The following FOXP1 variants were observed in gnomAD, a reference collection of about 807,000 sequenced individuals.
FOXP1 encodes forkhead box P1, also known as forkhead box protein P1.
FOXP1 carries 15 observed loss-of-function variants against 98.2 expected under a neutral mutation model. The observed-to-expected ratio is 0.15, with a 90% CI of 0.10 to 0.24. FOXP1 has a LOEUF of 0.24. Among genes scored for constraint, FOXP1 ranks in the 10% least tolerant of loss-of-function variants. The probability of loss-of-function intolerance (pLI) is 1.00; values close to 1 mark genes in which losing one functional copy is unlikely to be tolerated. For missense variants in FOXP1, 633 were observed against 848.5 expected (o/e 0.75, Z 3.15); for synonymous variants, 371 against 314.5 (o/e 1.18, Z -1.90).
chr3:71,047,636 T>C (rs539746462), intron 9 of FOXP1, among the ~76,000 whole-genome samples: 1 of 152,308 alleles, frequency 6.6e-6, no homozygotes, highest in South Asian at 2.1e-4. Context: ...TGAAATAACA[T>C]TGTAAATCTT....
At chr3:71,075,723 T>G (rs1008044155) in intron 7 of FOXP1, among the ~76,000 whole-genome samples, 5 of 152,032 alleles carry the variant, frequency 3.3e-5, no homozygotes, top group Non-Finnish European at 7.4e-5. Context: ...TTTGTTTTTT[T>G]TTTTTTAAAC....
chr3:71,409,983 C>G (rs1178954925), intron 3 of FOXP1, among the ~76,000 whole-genome samples: 1 of 152,132 alleles, frequency 6.6e-6, no homozygotes, highest in Non-Finnish European at 1.5e-5. Context: ...CCACTGCACT[C>G]CAGCCTGAAC....
chr3:70,995,407 T>C (rs1340337987), intron 13 of FOXP1, among the ~76,000 whole-genome samples: 7 of 152,210 alleles, frequency 4.6e-5, no homozygotes, highest in Non-Finnish European at 8.8e-5. Flanking sequence ...AGATTATGTA[T>C]ACTGATTATG....
chr3:71,521,108 G>A (rs1487490251), intron 2 of FOXP1, among the ~76,000 whole-genome samples: 2 of 152,214 alleles, frequency 1.3e-5, no homozygotes, highest in African/African-American at 4.8e-5. Flanking sequence ...TCAAGGCTAG[G>A]TGGTGTGGGG....
chr3:71,004,284 G>C (rs2042486347), intron 12 of FOXP1, among the ~76,000 whole-genome samples: 1 of 151,866 alleles, frequency 6.6e-6, no homozygotes. Context: ...ACATGAGCCT[G>C]TTATAATCAA....
At chr3:71,091,318 C>T (rs575944614) in intron 7 of FOXP1, among the ~76,000 whole-genome samples, 3 of 151,988 alleles carry the variant, frequency 2.0e-5, no homozygotes, top group South Asian at 4.2e-4. Flanking sequence ...GAAGAAACCC[C>T]GTCTCTACTA....
intron 12 of FOXP1, among the ~76,000 whole-genome samples, chr3:71,014,066 G>C (rs762068028): frequency 1.3e-5 from 2 of 152,142 alleles, no homozygotes; most frequent in South Asian, 2.1e-4. Flanking sequence ...AGAAAACCTA[G>C]GCAATACCAT....
chr3:71,270,765 C>T (rs1015704002), intron 5 of FOXP1, among the ~76,000 whole-genome samples: 2 of 152,150 alleles, frequency 1.3e-5, no homozygotes, highest in African/African-American at 4.8e-5. Context: ...ACACCTTGGC[C>T]AATAAATTTT....
intron 2 of FOXP1, among the ~76,000 whole-genome samples, chr3:71,549,887 C>T (rs1017541171): frequency 1.1e-5 from 1 of 89,974 alleles, no homozygotes; most frequent in East Asian, 3.2e-4. Context: ...AAAAAAAAAA[C>T]GCTCTCTGGT....
chr3:70,984,429 G>T (rs1219511670), intron 14 of FOXP1, among the ~76,000 whole-genome samples: 2 of 152,146 alleles, frequency 1.3e-5, no homozygotes, highest in African/African-American at 4.8e-5. Flanking sequence ...TTACCATTCT[G>T]GGTCAGCTGT....
chr3:71,568,962 C>T (rs542771056), intron 2 of FOXP1, among the ~76,000 whole-genome samples: 27 of 152,278 alleles, frequency 1.8e-4, no homozygotes, highest in Admixed American at 2.0e-4. Flanking sequence ...TCTGAATTTT[C>T]AAATGCCTCA....
chr3:70,966,524 T>C (rs926953699), intron 19 of FOXP1, among the ~76,000 whole-genome samples: 2 of 152,166 alleles, frequency 1.3e-5, no homozygotes, highest in African/African-American at 4.8e-5. Context: ...CCATAAACAT[T>C]TACCTCTTAG....
rs146361815 is a variant in FOXP1 at position 71,556,373 on chromosome 3, C to T, written c.-298+25176G>A. 5.7e-3 allele frequency among the ~76,000 whole-genome samples: 874 copies of T among 152,032 alleles called. 9 individuals carry two copies. The highest frequency in any genetic ancestry group is 0.02 in the African/African-American group (846 of 41,470). ...TGAGCAGATCACGAGGTCAGGAGATCGAGACCATCCTGGCTAACATGGTGA... is the reference window on the plus strand; with the variant it reads ...TGAGCAGATCACGAGGTCAGGAGATTGAGACCATCCTGGCTAACATGGTGA... On this transcript the variant is annotated intron_variant, in intron 2 of 20. Coordinates refer to ENST00000649528, the MANE Select transcript of FOXP1 (RefSeq NM_001349338.3).
intron 4 of FOXP1, among the ~76,000 whole-genome samples, chr3:71,304,916 ACTC>A: frequency 6.6e-6 from 1 of 151,638 alleles, no homozygotes; most frequent in Admixed American, 6.6e-5. Flanking sequence ...GGTCATGAAA[ACTC>A]CTTCTTTTAG....
intron 7 of FOXP1, among the ~76,000 whole-genome samples, chr3:71,100,754 A>C (rs1045956968): frequency 1.3e-5 from 2 of 152,204 alleles, no homozygotes; most frequent in African/African-American, 2.4e-5. Context: ...ACTTTTATCC[A>C]GCTCCTTACA....
At chr3:71,445,572 A>T (rs970868839) in intron 3 of FOXP1, among the ~76,000 whole-genome samples, 3 of 151,840 alleles carry the variant, frequency 2.0e-5, no homozygotes, top group African/African-American at 7.3e-5. Flanking sequence ...TATAATTCAA[A>T]TTTCCCATTT....
At chr3:71,405,632 T>A (rs1560438324) in intron 3 of FOXP1, among the ~76,000 whole-genome samples, 9 of 152,148 alleles carry the variant, frequency 5.9e-5, no homozygotes. Flanking sequence ...CAGAATCACT[T>A]GGGAAGGTTA....
At chr3:71,028,146 T>TA (rs1000216897) in intron 11 of FOXP1, among the ~76,000 whole-genome samples, 8 of 151,910 alleles carry the variant, frequency 5.3e-5, no homozygotes, top group Non-Finnish European at 1.2e-4. Context: ...AAATTGAAAT[T>TA]TTTTTTTTAA....
chr3:71,262,412 GA>G (rs2069248678), intron 5 of FOXP1, among the ~76,000 whole-genome samples: 1 of 151,800 alleles, frequency 6.6e-6, no homozygotes, highest in South Asian at 2.1e-4. Context: ...GGGCAGAGGA[GA>G]GGGGCTGAGC....
Sources: gnomAD v4.1 joint callset for allele counts (sites outside exome capture counted in the v4.1 genomes callset) on GRCh38, gnomAD v4.1.1 for gene constraint, MANE v1.5 for transcripts, NCBI Gene and HGNC (gene_info 2026-07-23, HGNC 2026-07-21) for gene names.